SPMIP11: variants seen among roughly 807,000 people sequenced by gnomAD.
SPMIP11 encodes long intergenic non-protein coding RNA 935.
At chr12:48,742,875 A>C in the SPMIP11 span, among the ~76,000 whole-genome samples, 1 of 152,036 alleles carries the variant, frequency 6.6e-6, no homozygotes, top group Non-Finnish European at 1.5e-5. Context: ...ACAAGAGCAA[A>C]ACTCCATTTA....
the SPMIP11 span, among the ~76,000 whole-genome samples, chr12:48,733,764 C>CTTTTTTT: frequency 4.5e-4 from 37 of 82,878 alleles, 2 homozygotes; most frequent in East Asian, 2.3e-3. Flanking sequence ...AATGCAGATT[C>CTTTTTTT]TTTTTTTTTT....
chr12:48,747,570 C>T, the SPMIP11 span, among the ~76,000 whole-genome samples: 4 of 152,180 alleles, frequency 2.6e-5, no homozygotes, highest in Non-Finnish European at 2.9e-5. Context: ...TGCCCATCAT[C>T]CATGATCTCA....
the SPMIP11 span, chr12:48,771,294 C>T: frequency 2.1e-6 from 1 of 485,182 alleles, no homozygotes; most frequent in South Asian, 2.2e-5. The surrounding 1 kb of genome is among the most constrained non-coding windows in gnomAD (Gnocchi z 4.3). Flanking sequence ...TGACTTCCCT[C>T]CAGAACAGTG....
chr12:48,741,805 A>G, the SPMIP11 span, among the ~76,000 whole-genome samples: 1 of 151,930 alleles, frequency 6.6e-6, no homozygotes, highest in African/African-American at 2.4e-5. Flanking sequence ...ACACCCAGCC[A>G]ATTGTTTTGA....
At chr12:48,760,797 G>T in the SPMIP11 span, among the ~76,000 whole-genome samples, 1 of 152,226 alleles carries the variant, frequency 6.6e-6, no homozygotes, top group African/African-American at 2.4e-5. Context: ...AAAGTGCTGG[G>T]ATTACAGGCG....
chr12:48,737,149 C>G, the SPMIP11 span, among the ~76,000 whole-genome samples: 1 of 151,880 alleles, frequency 6.6e-6, no homozygotes, highest in Admixed American at 6.6e-5. Context: ...TGGGGTCTTG[C>G]CATGTTGCCC....
the SPMIP11 span, among the ~76,000 whole-genome samples, chr12:48,760,677 C>A: frequency 6.6e-6 from 1 of 152,218 alleles, no homozygotes; most frequent in African/African-American, 2.4e-5. Flanking sequence ...CAGGAGTGCA[C>A]CACCACCCCT....
At chr12:48,742,313 ACT>A in the SPMIP11 span, among the ~76,000 whole-genome samples, 3 of 116,998 alleles carry the variant, frequency 2.6e-5, no homozygotes, top group Non-Finnish European at 4.9e-5. Context: ...ACGGAGTCTC[ACT>A]CTGTCGCCAA....
the SPMIP11 span, chr12:48,759,198 T>A: frequency 1.4e-6 from 1 of 702,756 alleles, no homozygotes; most frequent in Non-Finnish European, 2.6e-6. Flanking sequence ...ACGAGTCTAC[T>A]CTAATTTCAG....
chr12:48,743,455 C>T, the SPMIP11 span, among the ~76,000 whole-genome samples: 1 of 152,150 alleles, frequency 6.6e-6, no homozygotes, highest in Non-Finnish European at 1.5e-5. Flanking sequence ...CATGGTAAAA[C>T]TAGCATAAAT....
the SPMIP11 span, among the ~76,000 whole-genome samples, chr12:48,764,389 C>T: frequency 1.3e-5 from 2 of 152,142 alleles, no homozygotes; most frequent in Non-Finnish European, 2.9e-5. Context: ...AGATAAATTA[C>T]ATCTATTAAT....
At chr12:48,733,764 C>CTTTTTTTTTTT in the SPMIP11 span, among the ~76,000 whole-genome samples, 2 of 82,898 alleles carry the variant, frequency 2.4e-5, no homozygotes, top group African/African-American at 4.7e-5. Flanking sequence ...AATGCAGATT[C>CTTTTTTTTTTT]TTTTTTTTTT....
At chr12:48,768,590 G>A in the SPMIP11 span, 2 of 1,614,120 alleles carry the variant, frequency 1.2e-6, no homozygotes, top group Non-Finnish European at 1.7e-6. Flanking sequence ...GCTGGGCCCT[G>A]TTAACTGCTG....
chr12:48,750,075 G>C, the SPMIP11 span, among the ~76,000 whole-genome samples: 1 of 151,570 alleles, frequency 6.6e-6, no homozygotes, highest in African/African-American at 2.4e-5. Flanking sequence ...CTTCAGGCTG[G>C]GTGCAGTGGC....
the SPMIP11 span, among the ~76,000 whole-genome samples, chr12:48,734,922 A>G: frequency 1.4e-5 from 2 of 148,096 alleles, no homozygotes; most frequent in Admixed American, 6.8e-5. Context: ...GGAGAATGGC[A>G]TGAACCTGGG....
the SPMIP11 span, among the ~76,000 whole-genome samples, chr12:48,737,475 C>T: frequency 5.4e-5 from 8 of 147,000 alleles, no homozygotes; most frequent in South Asian, 2.1e-4. Flanking sequence ...AGTGCAGTGG[C>T]GTGATCTCGG....
the SPMIP11 span, among the ~76,000 whole-genome samples, chr12:48,749,558 C>G: frequency 7.1e-6 from 1 of 141,644 alleles, no homozygotes; most frequent in African/African-American, 2.6e-5. Context: ...TTGCTTGAAC[C>G]CAGGAGGCAG....
chr12:48,759,554 G>T, the SPMIP11 span, among the ~76,000 whole-genome samples: 1 of 152,106 alleles, frequency 6.6e-6, no homozygotes, highest in South Asian at 2.1e-4. Context: ...GGGCATGGTG[G>T]TGCATGCCTG....
the SPMIP11 span, among the ~76,000 whole-genome samples, chr12:48,741,142 T>C: frequency 1.3e-5 from 2 of 149,724 alleles, no homozygotes; most frequent in African/African-American, 4.9e-5. Context: ...CACCACAACG[T>C]ATGCAGTCCA....
Sources: allele counts gnomAD v4.1 joint callset (sites outside exome capture counted in the v4.1 genomes callset), GRCh38; gene constraint gnomAD v4.1.1; non-coding constraint Gnocchi (gnomAD v3.1); transcripts MANE v1.5; gene names NCBI Gene and HGNC (gene_info 2026-07-23, HGNC 2026-07-21).